The following YEATS2 variants were observed in gnomAD, a reference collection of about 807,000 sequenced individuals.
YEATS2 encodes the protein YEATS domain-containing protein 2.
YEATS2 carries 77 observed loss-of-function variants against 163.2 expected under a neutral mutation model. That is an observed-to-expected ratio of 0.47 (90% confidence interval 0.39 to 0.57). The LOEUF is 0.57. YEATS2 is among the 20% of genes least tolerant of loss of function. The pLI, the probability that YEATS2 is intolerant of heterozygous loss-of-function variation, is 0.00. For synonymous variants in YEATS2, 631 were observed against 645.1 expected, an observed-to-expected ratio of 0.98 and a Z score of 0.33; for missense variants, 1,549 against 1,729.8, an observed-to-expected ratio of 0.90 and a Z score of 1.85.
At position 183,811,985 on chromosome 3, in the gene YEATS2, G is replaced by C. The variant is rs912121249; in HGVS notation, c.*1402G>C. 1 of 152,310 alleles carries C rather than the reference G, an allele frequency of 6.6e-6. No individual in the cohort carries two copies. Among genetic ancestry groups the C allele is most frequent in the African/African-American group, 2.4e-5 (1 of 41,448 alleles). The allele number at this position is 152,310 out of a possible 1,614,324, so 9.4% of individuals were successfully genotyped here. A position where few individuals can be genotyped will look rare whatever the true frequency, so the allele number is the denominator to read the frequency against. ...ATGGTGGCTCACGCCTGTAATCCCA[G>C]CACTCTGGGAGGTCGAGGTGGGTGG... On this transcript the variant is annotated 3_prime_UTR_variant, in exon 31 of 31. Coordinates refer to ENST00000305135, the MANE Select transcript of YEATS2 (RefSeq NM_018023.5).
Position 183,754,126 on chromosome 3 carries a change from G to T in YEATS2, c.1151G>T (p.Gly384Val), listed in dbSNP as rs2109301632. The change falls in exon 11 of 31, where the codon GGA (glycine) becomes GTA (valine). Residue 384 changes from glycine to valine, a missense_variant and splice_region_variant. Coordinates refer to ENST00000305135, the MANE Select transcript of YEATS2 (RefSeq NM_018023.5). Reference sequence around the variant, plus strand: ...CGTTTGCCTCTTTCATCTCAAGCAGGATTCCCAGCTAGCACTGAAGCTGAA... The same window carrying T: ...CGTTTGCCTCTTTCATCTCAAGCAGTATTCCCAGCTAGCACTGAAGCTGAA... ...EPVPDTSVEK[G>V]FPASTEAERH... is the part of the protein sequence containing the mutation. 1 of 1,548,970 alleles carries T rather than the reference G, an allele frequency of 6.5e-7. No individual in the cohort carries two copies. The highest frequency in any genetic ancestry group is 1.2e-5 in the South Asian group (1 of 82,532).
At chr3:183,762,378 G>A in intron 15 of YEATS2, 99 bp downstream of exon 15, 1 of 1,400,448 alleles carries the variant, frequency 7.1e-7, no homozygotes, top group South Asian at 1.4e-5. Flanking sequence ...CAGGGTTGAT[G>A]ATCCCATAAG....
chr3:183,752,331 A>T, intron 10 of YEATS2, 78 bp downstream of exon 10: 1 of 1,542,234 alleles, frequency 6.5e-7, no homozygotes, highest in South Asian at 1.1e-5. Context: ...GACCTATAGT[A>T]TATGGAAAAT....
chr3:183,753,559 C>T (rs145145774), intron 10 of YEATS2, among the ~76,000 whole-genome samples: 4,217 of 152,220 alleles, frequency 0.028, 188 homozygotes, highest in African/African-American at 0.095. Context: ...ACCAGCCTGG[C>T]CAACATGGCA....
chr3:183,717,770 A>G (rs1209642188), intron 3 of YEATS2, 22 bp downstream of exon 3: 1 of 1,404,546 alleles, frequency 7.1e-7, no homozygotes, highest in Non-Finnish European at 9.5e-7. Flanking sequence ...ATAAATTGAA[A>G]TAAACACCAA....
Position 183,801,448 on chromosome 3 carries a change from C to T in YEATS2, c.3429-7C>T. 6.2e-7 allele frequency: 1 copy of T among 1,601,148 alleles called. No homozygotes were observed. Among genetic ancestry groups the T allele is most frequent in the Admixed American group, 1.7e-5 (1 of 58,018 alleles). ...TTATTGCCTTAATTTTTTTTTATCT[C>T]TCTCAGGATAGACCATTTAGAAACT... On this transcript the variant is annotated splice_polypyrimidine_tract_variant and splice_region_variant and intron_variant, in intron 24 of 30. Coordinates refer to ENST00000305135, the MANE Select transcript of YEATS2 (RefSeq NM_018023.5).
chr3:183,771,521 A>C (rs568510928), intron 15 of YEATS2, among the ~76,000 whole-genome samples: 3 of 110,676 alleles, frequency 2.7e-5, no homozygotes, highest in Admixed American at 8.8e-5. Flanking sequence ...TTTTTTTTTT[A>C]ATAGTTAAAT....
intron 19 of YEATS2, among the ~76,000 whole-genome samples, chr3:183,783,563 T>A (rs1412927548): frequency 6.6e-6 from 1 of 152,200 alleles, no homozygotes; most frequent in Non-Finnish European, 1.5e-5. Flanking sequence ...CCCTGCCCCA[T>A]GTCATAGTCC....
intron 10 of YEATS2, 61 bp from the exon 11 acceptor site, chr3:183,754,065 C>T (rs955287106): frequency 1.9e-5 from 28 of 1,472,516 alleles, no homozygotes; most frequent in South Asian, 3.0e-5. Context: ...TTTTCCACAA[C>T]GGTAAGGTTT....
chr3:183,755,281 C>G (rs1720604698), intron 11 of YEATS2, among the ~76,000 whole-genome samples: 1 of 152,104 alleles, frequency 6.6e-6, no homozygotes, highest in Non-Finnish European at 1.5e-5. Context: ...CCACTCCCAG[C>G]TAATTTTGTA....
intron 1 of YEATS2, among the ~76,000 whole-genome samples, chr3:183,710,771 G>C (rs1460264327): frequency 6.6e-6 from 1 of 151,998 alleles, no homozygotes; most frequent in African/African-American, 2.4e-5. Context: ...CATTTTAGTG[G>C]GAGCCACCGT....
At chr3:183,771,543 CTTTTTTT>C (rs1158586747) in intron 15 of YEATS2, among the ~76,000 whole-genome samples, 2 of 26,674 alleles carry the variant, frequency 7.5e-5, no homozygotes, top group African/African-American at 1.5e-4. Flanking sequence ...TTATTCTTGC[CTTTTTTT>C]TTTTTTTTTT....
chr3:183,738,142 A>G (rs573201367), intron 8 of YEATS2, among the ~76,000 whole-genome samples: 1 of 152,202 alleles, frequency 6.6e-6, no homozygotes, highest in Non-Finnish European at 1.5e-5. Flanking sequence ...GCAACCAGTC[A>G]TTCCCCATCT....
chr3:183,795,982 T>G (rs1012569743), intron 21 of YEATS2, among the ~76,000 whole-genome samples: 7 of 1,836 alleles, frequency 3.8e-3, no homozygotes, highest in Non-Finnish European at 0.013. Flanking sequence ...GATGCTGGGT[T>G]TTTTTTTTTT....
In YEATS2 at chr3:183,790,829, G is replaced by T. The variant is rs376592532; in HGVS notation, c.2946G>T (p.Thr982=). The T allele has an allele frequency of 1.9e-6, 3 of 1,613,902 alleles. No homozygotes were observed. The highest frequency in any genetic ancestry group is 1.6e-4 in the Middle Eastern group (1 of 6,080). The change falls in exon 21 of 31, where the codon ACG becomes ACT. Residue 982 remains threonine (T), a synonymous_variant. Coordinates refer to ENST00000305135, the MANE Select transcript of YEATS2 (RefSeq NM_018023.5). ...SEGMAPVSSS[T]VSSVTKTSGQ... ...GAATGGCTCCCGTGTCTTCATCTAC[G>T]GTCAGTTCTGTAACGAAAACTTCTG...
intron 3 of YEATS2, 23 bp downstream of exon 3, chr3:183,717,771 T>G (rs774195779): frequency 7.2e-7 from 1 of 1,396,186 alleles, no homozygotes; most frequent in Non-Finnish European, 9.6e-7. Context: ...TAAATTGAAA[T>G]AAACACCAAA....
chr3:183,767,051 A>G (rs1159961792), intron 15 of YEATS2, among the ~76,000 whole-genome samples: 1 of 152,224 alleles, frequency 6.6e-6, no homozygotes, highest in Non-Finnish European at 1.5e-5. Flanking sequence ...ACACCTTCTT[A>G]GTGGTGTCCA....
chr3:183,732,780 C>T (rs937356755), intron 7 of YEATS2, among the ~76,000 whole-genome samples: 2 of 151,400 alleles, frequency 1.3e-5, no homozygotes, highest in East Asian at 1.9e-4. Context: ...ACGATGGTCT[C>T]GATCTCCTGA....
chr3:183,713,077 G>A (rs188230798), intron 1 of YEATS2, among the ~76,000 whole-genome samples: 29 of 152,144 alleles, frequency 1.9e-4, no homozygotes, highest in Non-Finnish European at 2.8e-4. Flanking sequence ...TGTACAGGCC[G>A]CTAATACAAA....
Sources: gnomAD v4.1 joint callset for allele counts (sites outside exome capture counted in the v4.1 genomes callset) on GRCh38, gnomAD v4.1.1 for gene constraint, MANE v1.5 for transcripts, NCBI Gene and HGNC (gene_info 2026-07-23, HGNC 2026-07-21) for gene names.